Variants in NFS1 observed in about 807,000 individuals in gnomAD.
The protein encoded by NFS1 is NFS1 cysteine desulfurase, also known as cysteine desulfurase.
NFS1 carries 26 observed loss-of-function variants against 57.3 expected under a neutral mutation model. The observed-to-expected ratio is 0.45, with a 90% CI of 0.33 to 0.63. The LOEUF (loss-of-function observed/expected upper bound fraction) is 0.63. Ranked by LOEUF, NFS1 falls within the 20% of genes least tolerant of loss-of-function variation. The probability of loss-of-function intolerance (pLI) is 0.02; values close to 1 mark genes in which losing one functional copy is unlikely to be tolerated. For synonymous variants in NFS1, 209 were observed against 216.3 expected, an observed-to-expected ratio of 0.97 and a Z score of 0.30; for missense variants, 505 against 605.8, an observed-to-expected ratio of 0.83 and a Z score of 1.75.
In NFS1 at chr20:35,668,157, G is replaced by A. The variant is rs1273339710; in HGVS notation, c.*1465C>T. 6.6e-6 allele frequency: 1 copy of A among 152,122 alleles called. No individual in the cohort carries two copies. Among genetic ancestry groups the A allele is most frequent in the Non-Finnish European group, 1.5e-5 (1 of 68,008 alleles). 9.4% of individuals were successfully genotyped at this position (152,122 alleles called of 1,614,324 possible). On this transcript the variant is annotated 3_prime_UTR_variant, in exon 13 of 13. Coordinates refer to ENST00000374092, the MANE Select transcript of NFS1 (RefSeq NM_021100.5). ...ATCTAAAATTATTCTAAGTAAAAAA[G>A]ATATTTTTCAACAAGAAAAATTCTA...
At chr20:35,693,890 A>T (rs1364729896) in intron 4 of NFS1, among the ~76,000 whole-genome samples, 3 of 151,998 alleles carry the variant, frequency 2.0e-5, no homozygotes, top group African/African-American at 7.2e-5. Context: ...TGAACCCAGG[A>T]GGCAGAGCTT....
At chr20:35,698,441 T>TA in intron 2 of NFS1, 40 bp downstream of exon 2, 1 of 1,427,468 alleles carries the variant, frequency 7.0e-7, no homozygotes. Context: ...GCCCATCATT[T>TA]ACTTCCTATA....
chr20:35,677,675 C>T (rs1266764422), intron 7 of NFS1, among the ~76,000 whole-genome samples: 1 of 152,196 alleles, frequency 6.6e-6, no homozygotes, highest in East Asian at 1.9e-4. Flanking sequence ...AGAATTGGCA[C>T]TTGACAGTTC....
chr20:35,668,517 T>C lies in NFS1; in HGVS notation c.*1105A>G, dbSNP rs374322903. The C allele has an allele frequency of 5.1e-4, 77 of 152,338 alleles. 1 individual carries two copies. In the Middle Eastern group the frequency reaches 0.017, roughly 34 times the overall value. The allele number at this position is 152,338 out of a possible 1,614,324, so 9.4% of individuals were successfully genotyped here. A position where few individuals can be genotyped will look rare whatever the true frequency, so the allele number is the denominator to read the frequency against. ...CTAAAGTATAATACTTTGTGCTTTA[T>C]CACACTTCAGGCCCTTAGCTCTTGC... On this transcript the variant is annotated 3_prime_UTR_variant, in exon 13 of 13. Transcript: ENST00000374092.
chr20:35,676,145 C>G (rs918532694), intron 7 of NFS1: 1 of 151,282 alleles, frequency 6.6e-6, no homozygotes, highest in Admixed American at 6.6e-5. Flanking sequence ...ATTAGCCAGG[C>G]ATGGTGGCAC....
At chr20:35,689,927 C>T (rs1419971564) in intron 5 of NFS1, among the ~76,000 whole-genome samples, 1 of 112,280 alleles carries the variant, frequency 8.9e-6, no homozygotes, top group Non-Finnish European at 1.7e-5. Flanking sequence ...GAGACTCTGC[C>T]TCAAAAAAAA....
In NFS1 at chr20:35,694,887, TAAAA is replaced by T; in HGVS notation, c.408+1486_408+1489del. On this transcript the variant is annotated intron_variant, in intron 4 of 12. Transcript: ENST00000374092. ...CTGGATGACAGAGTGAGACTCAGTCTAAAAAAAAAAAAAGAAAAAATGGTTGTGG... is the reference window on the plus strand; with the variant it reads ...CTGGATGACAGAGTGAGACTCAGTCTAAAAAAAAAGAAAAAATGGTTGTGG... The T allele has an allele frequency of 7.5e-5, 10 of 134,058 alleles. 1 individual carries two copies. The South Asian group carries it at 1.8e-3, about 24-fold the overall frequency. 8.3% of individuals were successfully genotyped at this position (134,058 alleles called of 1,614,324 possible). A position where few individuals can be genotyped will look rare whatever the true frequency, so the allele number is the denominator to read the frequency against.
At position 35,680,828 on chromosome 20, in the gene NFS1, T is replaced by C; in HGVS notation, c.699A>G (p.Ala233=). ...SSRKVYFHTD[A]AQAVGKIPLD... is the part of the protein sequence containing the mutation. ...GTGGGATTTTTCCAACAGCCTGGGCTGCATCAGTATGGAAATATACCTTTC... is the reference window on the plus strand; with the variant it reads ...GTGGGATTTTTCCAACAGCCTGGGCCGCATCAGTATGGAAATATACCTTTC... The change falls in exon 7 of 13, where the codon GCA becomes GCG. Residue 233 remains alanine, a synonymous_variant. Transcript: ENST00000374092. The C allele has an allele frequency of 6.3e-7, 1 of 1,580,918 alleles. No individual in the cohort carries two copies. Among genetic ancestry groups the C allele is most frequent in the Non-Finnish European group, 8.6e-7 (1 of 1,165,098 alleles).
rs1217264916 is a variant in NFS1, at chr20:35,697,702, G to A, written c.306C>T (p.Ala102=). ...TACTAACCTGACGAGCACGTTCCAT[G>A]GCTGCCTCACTCTCCCAGCCATAAG... The part of the protein sequence containing the change: ...THAYGWESEA[A]MERARQQVAS... The change falls in exon 3 of 13, where the codon GCC becomes GCT. Residue 102 remains alanine, a synonymous_variant. Transcript: ENST00000374092. 1 of 1,613,270 alleles carries A rather than the reference G, an allele frequency of 6.2e-7. No homozygotes were observed. Among genetic ancestry groups the A allele is most frequent in the South Asian group, 1.1e-5 (1 of 91,010 alleles).
intron 2 of NFS1, 133 bp downstream of exon 2, chr20:35,698,348 C>T: frequency 2.9e-6 from 2 of 697,468 alleles, no homozygotes; most frequent in Admixed American, 3.1e-5. Context: ...TTAAGCCTCC[C>T]GACTCCTCGC....
intron 7 of NFS1, 57 bp from the exon 8 acceptor site, chr20:35,675,259 A>G (rs957297867): frequency 3.4e-6 from 5 of 1,485,460 alleles, no homozygotes; most frequent in Admixed American, 4.8e-5. Context: ...ATAAAACAAA[A>G]TATTTCTTTC....
At chr20:35,673,578 A>G (rs2034692798) in intron 11 of NFS1, 23 bp downstream of exon 11, 3 of 1,598,472 alleles carry the variant, frequency 1.9e-6, no homozygotes, top group African/African-American at 2.7e-5. Context: ...CCTTTCATAA[A>G]TGTTGCAGCT....
At position 35,695,845 on chromosome 20, in the gene NFS1, T is replaced by C. The variant is rs140866610; in HGVS notation, c.408+532A>G. 3.3e-3 allele frequency among the ~76,000 whole-genome samples: 496 copies of C among 152,116 alleles called. 1 individual carries two copies. Among genetic ancestry groups the C allele is most frequent in the Non-Finnish European group, 5.4e-3 (364 of 67,986 alleles). Reference sequence around the variant, plus strand: ...TCATCAGGTCAAGAGATTGAGATCATCCTGGCCAATATGGTGAAACCCCAT... The same window carrying C: ...TCATCAGGTCAAGAGATTGAGATCACCCTGGCCAATATGGTGAAACCCCAT... On this transcript the variant is annotated intron_variant, in intron 4 of 12. Transcript: ENST00000374092.
Position 35,695,501 on chromosome 20 carries a change from T to C in NFS1, c.408+876A>G, listed in dbSNP as rs750255627. Among the ~76,000 whole-genome samples, 19 of 152,234 alleles carry C rather than the reference T, an allele frequency of 1.2e-4. 1 individual carries two copies. Among genetic ancestry groups the C allele is most frequent in the Admixed American group, 8.5e-4 (13 of 15,290 alleles). On this transcript the variant is annotated intron_variant, in intron 4 of 12. Coordinates refer to ENST00000374092, the MANE Select transcript of NFS1 (RefSeq NM_021100.5). ...TTCTATGAAACACCAACGTGACTAC[T>C]AAAAGTACCTTTTCCTTGCATTAGC...
At position 35,684,042 on chromosome 20, in the gene NFS1, G is replaced by T. The variant is rs546841398; in HGVS notation, c.562-2061C>A. On this transcript the variant is annotated intron_variant, in intron 5 of 12. Coordinates refer to ENST00000374092, the MANE Select transcript of NFS1 (RefSeq NM_021100.5). ...GTAGGAGAATTGCTTGACCTCGGGA[G>T]GCAGAGGTTGCAGTGAGCCAACACT... 1.7e-3 allele frequency among the ~76,000 whole-genome samples: 252 copies of T among 152,260 alleles called. 2 individuals carry two copies. Among genetic ancestry groups the T allele is most frequent in the Non-Finnish European group, 2.0e-3 (133 of 68,022 alleles).
At chr20:35,690,197 C>CA (rs1431808662) in intron 5 of NFS1, among the ~76,000 whole-genome samples, 5 of 151,288 alleles carry the variant, frequency 3.3e-5, no homozygotes, top group Non-Finnish European at 5.9e-5. Flanking sequence ...GACTCCATCT[C>CA]AAAAAAAAGA....
chr20:35,698,809 A>G lies in NFS1; in HGVS notation c.98-219T>C, dbSNP rs1017241939. 158 of 1,381,902 alleles carry G rather than the reference A, an allele frequency of 1.1e-4. No homozygotes were observed. The African/African-American group carries it at 2.1e-3, about 18-fold the overall frequency. 85.6% of individuals were successfully genotyped at this position (1,381,902 alleles called of 1,614,324 possible). On this transcript the variant is annotated intron_variant, in intron 1 of 12. Coordinates refer to ENST00000374092, the MANE Select transcript of NFS1 (RefSeq NM_021100.5). ...GGTTCCTGGAGGGGGTGTTGAGTTGATATTCAAATGGTATCGTAGGAAGGA... is the reference window on the plus strand; with the variant it reads ...GGTTCCTGGAGGGGGTGTTGAGTTGGTATTCAAATGGTATCGTAGGAAGGA...
At chr20:35,689,944 A>T (rs1301547357) in intron 5 of NFS1, among the ~76,000 whole-genome samples, 11 of 149,874 alleles carry the variant, frequency 7.3e-5, no homozygotes. Context: ...AAAAAAAAAA[A>T]AAAAATTAAC....
At chr20:35,694,912 T>G in intron 4 of NFS1, 1 of 154,230 alleles carries the variant, frequency 6.5e-6, no homozygotes, top group Non-Finnish European at 1.4e-5. Flanking sequence ...AAAAAATGGT[T>G]GTGGGATGGT....
Sources: gnomAD v4.1 joint callset for allele counts (sites outside exome capture counted in the v4.1 genomes callset) on GRCh38, gnomAD v4.1.1 for gene constraint, MANE v1.5 for transcripts, NCBI Gene and HGNC (gene_info 2026-07-23, HGNC 2026-07-21) for gene names.